The following TIAM1 variants were observed in gnomAD, a reference collection of about 807,000 sequenced individuals.
TIAM1 encodes the protein rho guanine nucleotide exchange factor TIAM1.
A neutral mutation model predicts 163.5 loss-of-function variants in TIAM1; 65 were observed. The ratio of observed to expected loss-of-function variants is 0.40; its 90% CI spans 0.33 to 0.49. TIAM1 has a LOEUF of 0.49. Among genes scored for constraint, TIAM1 ranks in the 20% least tolerant of loss-of-function variants. The pLI, the probability that TIAM1 is intolerant of heterozygous loss-of-function variation, is 0.77. For synonymous variants in TIAM1, 833 were observed against 810.1 expected (o/e 1.03, Z -0.48); for missense variants, 1,789 against 2,044.7 (o/e 0.87, Z 2.41).
chr21:31,340,762 T>C (rs1345698967), intron 1 of TIAM1, among the ~76,000 whole-genome samples: 1 of 151,862 alleles, frequency 6.6e-6, no homozygotes, highest in African/African-American at 2.4e-5. Flanking sequence ...TTTCGGGCTT[T>C]GTACTCATTT....
chr21:31,424,028 TCTC>T (rs1240508597), intron 2 of TIAM1, among the ~76,000 whole-genome samples: 1 of 152,196 alleles, frequency 6.6e-6, no homozygotes, highest in Non-Finnish European at 1.5e-5. Flanking sequence ...GTGAATTATA[TCTC>T]AATAAAGCTG....
In TIAM1 at chr21:31,267,117, C is replaced by A. The variant is rs111618293; in HGVS notation, c.-11-134G>T. 2.0e-4 allele frequency: 254 copies of A among 1,257,518 alleles called. 1 individual carries two copies. The African/African-American group carries it at 3.4e-3, about 17-fold the overall frequency. 77.9% of individuals were successfully genotyped at this position (1,257,518 alleles called of 1,614,324 possible). A position where few individuals can be genotyped will look rare whatever the true frequency, so the allele number is the denominator to read the frequency against. On this transcript the variant is annotated intron_variant, in intron 3 of 27. Coordinates refer to ENST00000541036, the MANE Select transcript of TIAM1 (RefSeq NM_001353694.2). ...AGGGGTTGTTAGGTAAGTAACAGCA[C>A]AACTTCCTATATGCACCTGGTAGGT...
intron 2 of TIAM1, among the ~76,000 whole-genome samples, chr21:31,401,134 C>T (rs529757416): frequency 7.3e-4 from 111 of 152,110 alleles, no homozygotes; most frequent in Non-Finnish European, 1.3e-3. Context: ...TTTTTTAAGT[C>T]GAAGTTAGGA....
chr21:31,368,015 G>C (rs1048104324), intron 2 of TIAM1, among the ~76,000 whole-genome samples: 2 of 152,122 alleles, frequency 1.3e-5, no homozygotes, highest in Admixed American at 6.5e-5. Context: ...ATATTCATGA[G>C]AGGCCTCTCA....
At chr21:31,362,164 T>A (rs528545040) in intron 2 of TIAM1, among the ~76,000 whole-genome samples, 217 of 146,118 alleles carry the variant, frequency 1.5e-3, no homozygotes, top group African/African-American at 4.8e-3. Flanking sequence ...CTATCCCTTT[T>A]AAAAAAAAAA....
chr21:31,401,317 A>C (rs2077160732), intron 2 of TIAM1, among the ~76,000 whole-genome samples: 1 of 152,070 alleles, frequency 6.6e-6, no homozygotes, highest in Admixed American at 6.5e-5. Flanking sequence ...CTACAGATAG[A>C]CTCCAGCACT....
At chr21:31,332,223 T>G (rs2256570) in intron 2 of TIAM1, among the ~76,000 whole-genome samples, 19,909 of 152,010 alleles carry the variant, frequency 0.13, 1,751 homozygotes, top group East Asian at 0.44. Flanking sequence ...AAATATAAAA[T>G]CCAGCCACGG....
chr21:31,510,645 T>C (rs968887200), intron 1 of TIAM1, among the ~76,000 whole-genome samples: 6 of 152,058 alleles, frequency 3.9e-5, no homozygotes, highest in African/African-American at 1.2e-4. Context: ...AAACCTCGTC[T>C]CTACTAAAAA....
At chr21:31,532,870 C>CT (rs2048014540) in intron 1 of TIAM1, among the ~76,000 whole-genome samples, 1 of 152,130 alleles carries the variant, frequency 6.6e-6, no homozygotes, top group Non-Finnish European at 1.5e-5. Flanking sequence ...TCCTTGTGTC[C>CT]TGTAGGTCGA....
At chr21:31,215,140 A>T (rs8131880) in intron 9 of TIAM1, among the ~76,000 whole-genome samples, 11,417 of 152,054 alleles carry the variant, frequency 0.075, 1,348 homozygotes, top group African/African-American at 0.25. Context: ...TCAGTAGAAA[A>T]GGGCGGTAAC....
At chr21:31,139,024 C>G (rs1158873313) in intron 22 of TIAM1, among the ~76,000 whole-genome samples, 3 of 152,224 alleles carry the variant, frequency 2.0e-5, no homozygotes, top group East Asian at 3.9e-4. Flanking sequence ...TCTCAGCCCA[C>G]AAAAAATACT....
chr21:31,318,842 C>G (rs1245550241), intron 2 of TIAM1, among the ~76,000 whole-genome samples: 2 of 152,120 alleles, frequency 1.3e-5, no homozygotes, highest in Admixed American at 1.3e-4. Flanking sequence ...TTACAAGATG[C>G]CCTTCGAGTT....
At chr21:31,486,274 G>A (rs532754158) in intron 1 of TIAM1, among the ~76,000 whole-genome samples, 4 of 152,252 alleles carry the variant, frequency 2.6e-5, no homozygotes, top group South Asian at 2.1e-4. Flanking sequence ...AAATGAAAAC[G>A]CTCGCCCTCT....
Position 31,382,549 on chromosome 21 carries a change from T to C in TIAM1, c.-368-43127A>G, listed in dbSNP as rs1389962371. ...CCTCCTGACAACTCTTTGATCTGTT[T>C]TTTTCCGAAAGACTGACTACCTCCA... On this transcript the variant is annotated intron_variant, in intron 2 of 28. Transcript: ENST00000286827. 3.0e-4 allele frequency among the ~76,000 whole-genome samples: 45 copies of C among 152,202 alleles called. 1 individual carries two copies. Among genetic ancestry groups the C allele is most frequent in the Non-Finnish European group, 1.5e-5 (1 of 68,048 alleles).
intron 2 of TIAM1, among the ~76,000 whole-genome samples, chr21:31,337,786 T>G (rs564699223): frequency 3.2e-4 from 49 of 152,074 alleles, no homozygotes; most frequent in Non-Finnish European, 6.6e-4. Flanking sequence ...CACCTCGGCC[T>G]CCCTAACTGC....
intron 2 of TIAM1, among the ~76,000 whole-genome samples, chr21:31,422,661 C>T (rs2043619843): frequency 6.6e-6 from 1 of 152,314 alleles, no homozygotes; most frequent in Middle Eastern, 3.4e-3. Flanking sequence ...CCATCCACGA[C>T]TGCCACCAGC....
intron 11 of TIAM1, among the ~76,000 whole-genome samples, chr21:31,204,015 T>C (rs2086331737): frequency 6.6e-6 from 1 of 152,260 alleles, no homozygotes; most frequent in African/African-American, 2.4e-5. Context: ...TTTTTCTTCC[T>C]GTCTAAAAAG....
At chr21:31,394,734 A>T (rs1762861) in intron 2 of TIAM1, among the ~76,000 whole-genome samples, 26,331 of 81,162 alleles carry the variant, frequency 0.32, 2,635 homozygotes, top group African/African-American at 0.41. Flanking sequence ...TCTCTCACAC[A>T]CACACACACA....
At chr21:31,330,764 A>T (rs1466951119) in intron 2 of TIAM1, among the ~76,000 whole-genome samples, 2 of 152,204 alleles carry the variant, frequency 1.3e-5, no homozygotes, top group African/African-American at 4.8e-5. Context: ...AAATGCAAAG[A>T]ATGACCTTAG....
Sources: allele counts gnomAD v4.1 joint callset (sites outside exome capture counted in the v4.1 genomes callset), GRCh38; gene constraint gnomAD v4.1.1; transcripts MANE v1.5; gene names NCBI Gene and HGNC (gene_info 2026-07-23, HGNC 2026-07-21).